The following FAM117A variants were observed in gnomAD, a reference collection of about 807,000 sequenced individuals.
FAM117A encodes the protein family with sequence similarity 117 member A.
Under a neutral mutation model 44.1 loss-of-function variants are expected in FAM117A, and 21 were observed. The observed-to-expected ratio is 0.48, with a 90% CI of 0.34 to 0.69. The LOEUF is 0.69. Ranked by LOEUF, FAM117A falls within the 30% of genes least tolerant of loss-of-function variation. The probability of loss-of-function intolerance (pLI) is 0.01; values close to 1 mark genes in which losing one functional copy is unlikely to be tolerated. For synonymous variants in FAM117A, 220 were observed against 238.3 expected, an observed-to-expected ratio of 0.92 and a Z score of 0.71; for missense variants, 498 against 589.9, an observed-to-expected ratio of 0.84 and a Z score of 1.61.
chr17:49,724,970 C>T (rs1167766178), intron 2 of FAM117A, among the ~76,000 whole-genome samples: 1 of 152,206 alleles, frequency 6.6e-6, no homozygotes, highest in Non-Finnish European at 1.5e-5. Context: ...CCACCAACCA[C>T]TGCCTTCTCT....
At chr17:49,762,273 T>A (rs1054232817) in intron 1 of FAM117A, among the ~76,000 whole-genome samples, 1 of 152,234 alleles carries the variant, frequency 6.6e-6, no homozygotes, top group African/African-American at 2.4e-5. Context: ...CGGTTCTTGT[T>A]CTACCAACTT....
intron 5 of FAM117A, among the ~76,000 whole-genome samples, chr17:49,718,995 G>A (rs946660874): frequency 2.0e-5 from 3 of 151,044 alleles, no homozygotes; most frequent in African/African-American, 7.3e-5. Context: ...AAAGGCCGGT[G>A]GCTCACGCCT....
At chr17:49,788,985 T>A (rs1265655893), upstream of FAM117A, 28 of 750,470 alleles carry the variant, frequency 3.7e-5, no homozygotes, top group Admixed American at 1.1e-3. Context: ...CCCTCTCTTC[T>A]GTCCATACCC....
chr17:49,788,742 G>A, upstream of FAM117A: 3 of 1,412,538 alleles, frequency 2.1e-6, 1 homozygote, highest in South Asian at 2.5e-5. Flanking sequence ...GATTGGGACT[G>A]ATACAGAGGC....
intron 1 of FAM117A, among the ~76,000 whole-genome samples, chr17:49,733,427 C>T (rs2073595545): frequency 6.6e-6 from 1 of 152,068 alleles, no homozygotes; most frequent in Non-Finnish European, 1.5e-5. Context: ...GCTTGTAATC[C>T]CAGCACTTTG....
intron 1 of FAM117A, among the ~76,000 whole-genome samples, chr17:49,736,334 G>GC (rs1368345780): frequency 4.0e-5 from 6 of 150,938 alleles, no homozygotes; most frequent in African/African-American, 1.5e-4. Flanking sequence ...TCGGCTTACT[G>GC]CAAGCTCCGC....
chr17:49,762,708 T>A (rs2073726811), intron 1 of FAM117A, among the ~76,000 whole-genome samples: 1 of 152,214 alleles, frequency 6.6e-6, no homozygotes, highest in Non-Finnish European at 1.5e-5. Flanking sequence ...GAATCATGAT[T>A]TTTGTACATT....
Position 49,717,591 on chromosome 17 carries a change from G to A in FAM117A, c.832C>T (p.Pro278Ser). Reference protein sequence around the residue: ...ASSPSMSLASPQPCGLASHEE... With the variant: ...ASSPSMSLASSQPCGLASHEE... ...TGACTGGCCAGGCCACAAGGCTGGG[G>A]AGATGCCAAGGACATGGAAGGAGAG... Residue 278 changes from proline (P) to serine (S), a missense_variant, in exon 6 of 8, where the codon CCC (proline) becomes TCC (serine). By Grantham distance (74) the Pro-to-Ser change is moderately conservative. Transcript: ENST00000240364. 1 of 1,614,198 alleles carries A rather than the reference G, an allele frequency of 6.2e-7. No individual in the cohort carries two copies. Among genetic ancestry groups the A allele is most frequent in the Non-Finnish European group, 8.5e-7 (1 of 1,180,034 alleles).
In FAM117A at chr17:49,711,177, C is replaced by G; in HGVS notation, c.*78G>C. 1 of 1,394,654 alleles carries G rather than the reference C, an allele frequency of 7.2e-7. No homozygotes were observed. The highest frequency in any genetic ancestry group is 9.7e-7 in the Non-Finnish European group (1 of 1,029,224). 86.4% of individuals were successfully genotyped at this position (1,394,654 alleles called of 1,614,324 possible). A position where few individuals can be genotyped will look rare whatever the true frequency, so the allele number is the denominator to read the frequency against. On this transcript the variant is annotated 3_prime_UTR_variant, in exon 8 of 8. Coordinates refer to ENST00000240364, the MANE Select transcript of FAM117A (RefSeq NM_030802.4). ...CCGAGAGGGAAGGGCCCCTCCATACCCCATCTCAGGGGACCTGGGGAGGGA... is the reference window on the plus strand; with the variant it reads ...CCGAGAGGGAAGGGCCCCTCCATACGCCATCTCAGGGGACCTGGGGAGGGA...
chr17:49,746,711 T>C (rs2073655735), intron 1 of FAM117A, among the ~76,000 whole-genome samples: 1 of 152,158 alleles, frequency 6.6e-6, no homozygotes, highest in African/African-American at 2.4e-5. Context: ...ATGATTGCTC[T>C]TCAAAAGGAA....
intron 1 of FAM117A, among the ~76,000 whole-genome samples, chr17:49,759,143 C>T (rs1291071015): frequency 1.3e-5 from 2 of 152,154 alleles, no homozygotes; most frequent in Non-Finnish European, 2.9e-5. Flanking sequence ...TTGTTCTCAC[C>T]CCTCTGACAC....
intron 7 of FAM117A, among the ~76,000 whole-genome samples, chr17:49,712,294 G>A (rs1390332810): frequency 6.6e-6 from 1 of 152,200 alleles, no homozygotes; most frequent in East Asian, 1.9e-4. Context: ...ATTCTTTGTT[G>A]CGGGGTGGGG....
chr17:49,756,282 T>C (rs2073698356), intron 1 of FAM117A, among the ~76,000 whole-genome samples: 1 of 152,154 alleles, frequency 6.6e-6, no homozygotes, highest in Admixed American at 6.5e-5. Flanking sequence ...ATTTATATTT[T>C]ATTCACTTAT....
At chr17:49,717,472 GC>G (rs1291022299) in intron 6 of FAM117A, 40 bp downstream of exon 6, 1 of 1,590,374 alleles carries the variant, frequency 6.3e-7, no homozygotes, top group Non-Finnish European at 8.6e-7. Flanking sequence ...CCACTCATGT[GC>G]CCCAGAGTCA....
rs184009258 is a variant in FAM117A at position 49,754,241 on chromosome 17, C to T, written c.196+9651G>A. Among the ~76,000 whole-genome samples, 128 of 152,038 alleles carry T rather than the reference C, an allele frequency of 8.4e-4. No homozygotes were observed. The East Asian group carries it at 0.02, about 24-fold the overall frequency. On this transcript the variant is annotated intron_variant, in intron 1 of 7. Transcript: ENST00000240364. ...CTGCAGCTGTGGGGCAGGGAGTGCA[C>T]GTGTTATCAGGAGTGGTTTTCCCAA...
chr17:49,772,072 ACTT>A (rs1343025727), intron 1 of FAM117A, among the ~76,000 whole-genome samples: 2 of 151,926 alleles, frequency 1.3e-5, no homozygotes, highest in African/African-American at 4.8e-5. Flanking sequence ...TGGGAGGAGT[ACTT>A]GAGCTCAGGA....
rs72839105 is a variant in FAM117A at position 49,715,590 on chromosome 17, C to G, written c.1061+575G>C. Among the ~76,000 whole-genome samples the G allele has an allele frequency of 3.3e-3, 505 of 152,266 alleles. 2 individuals are homozygous for G. Among genetic ancestry groups the G allele is most frequent in the Non-Finnish European group, 5.3e-3 (359 of 68,012 alleles). The stretch of plus-strand genomic sequence containing the variant: ...AAGAATGGCTTCTGAACGATCCAAT[C>G]TGGTTTGGAAATTTTCCATAGTCCT... On this transcript the variant is annotated intron_variant, in intron 7 of 7. Coordinates refer to ENST00000240364, the MANE Select transcript of FAM117A (RefSeq NM_030802.4).
At chr17:49,726,223 T>C (rs1277767179) in intron 2 of FAM117A, among the ~76,000 whole-genome samples, 1 of 152,180 alleles carries the variant, frequency 6.6e-6, no homozygotes, top group Non-Finnish European at 1.5e-5. Flanking sequence ...GTATTCTTTT[T>C]TTTTTGAGAT....
chr17:49,785,968 C>T (rs182950316), intron 1 of FAM117A, among the ~76,000 whole-genome samples: 1 of 152,278 alleles, frequency 6.6e-6, no homozygotes, highest in East Asian at 1.9e-4. Context: ...AACATCAGTT[C>T]CTGCTTGGAA....
Sources: gnomAD v4.1 joint callset for allele counts (sites outside exome capture counted in the v4.1 genomes callset) on GRCh38, gnomAD v4.1.1 for gene constraint, MANE v1.5 for transcripts, NCBI Gene and HGNC (gene_info 2026-07-23, HGNC 2026-07-21) for gene names.